Variants in NGLY1 observed in about 807,000 individuals in gnomAD.
The protein encoded by NGLY1 is N-glycanase 1, also known as peptide-N(4)-(N-acetyl-beta-glucosaminyl)asparagine amidase.
In NGLY1, 68 loss-of-function variants were observed where a neutral mutation model predicts 84.6. The observed-to-expected ratio is 0.80, with a 90% confidence interval of 0.66 to 0.98. NGLY1 has a LOEUF of 0.98. Among genes scored for constraint, NGLY1 ranks in the 50% least tolerant of loss-of-function variants. The pLI is 0.00. For missense variants in NGLY1, 779 were observed against 770.2 expected (o/e 1.01, Z -0.14); for synonymous variants, 280 against 275.2 (o/e 1.02, Z -0.17).
intron 7 of NGLY1, 52 bp downstream of exon 7, chr3:25,735,952 G>T: frequency 5.5e-6 from 8 of 1,446,600 alleles, no homozygotes; most frequent in South Asian, 1.3e-5. Flanking sequence ...TGTCATAAAA[G>T]AAAAAAATAT....
At position 25,751,135 on chromosome 3, in the gene NGLY1, T is replaced by C; in HGVS notation, c.621A>G (p.Ser207=). ...CIPVQELKRK[S]QEKLSRARKL... ...TTCTAGCTCTCGATAACTTTTCTTG[T>C]GATTTCCTTTTTAGTTCTTGGACCG... Residue 207 remains serine (S), a synonymous_variant, in exon 4 of 12, where the codon TCA becomes TCG. Coordinates refer to ENST00000280700, the MANE Select transcript of NGLY1 (RefSeq NM_018297.4). 1 of 1,613,458 alleles carries C rather than the reference T, an allele frequency of 6.2e-7. No homozygotes were observed. Among genetic ancestry groups the C allele is most frequent in the East Asian group, 2.2e-5 (1 of 44,858 alleles).
Position 25,778,699 on chromosome 3 carries a change from A to G in NGLY1, c.132-11T>C, listed in dbSNP as rs2125321905. The stretch of plus-strand genomic sequence containing the variant: ...TCATCATTAGGGTTTCTGACAAAAA[A>G]CAAAAGTTTGATTATATATAAAAAA... On this transcript the variant is annotated splice_polypyrimidine_tract_variant and intron_variant, in intron 1 of 11. Transcript: ENST00000280700. 6.5e-7 allele frequency: 1 copy of G among 1,536,132 alleles called. No individual in the cohort carries two copies.
upstream of NGLY1, chr3:25,784,087 T>C (rs980723289): frequency 5.3e-5 from 8 of 152,136 alleles, no homozygotes; most frequent in Non-Finnish European, 4.4e-5. Flanking sequence ...TCTACATAGA[T>C]GTGGATGAAA....
exon 1 of NGLY1, chr3:25,789,868 C>T (rs1454662030): frequency 3.2e-6 from 5 of 1,551,710 alleles, no homozygotes; most frequent in Non-Finnish European, 4.4e-6. Context: ...TACCTCATCG[C>T]GTTATTGGCA....
At chr3:25,736,387 T>C (rs1362604973) in intron 6 of NGLY1, 6 of 1,550,924 alleles carry the variant, frequency 3.9e-6, no homozygotes, top group Non-Finnish European at 5.2e-6. Context: ...TTAGGCTTAA[T>C]GTGCGCTGTA....
rs768605009 is a variant in NGLY1, at chr3:25,764,074, C to T, written c.484G>A (p.Ala162Thr). 1.2e-6 allele frequency: 2 copies of T among 1,614,038 alleles called. No homozygotes were observed. The change falls in exon 3 of 12, where the codon GCT becomes ACT. Residue 162 changes from alanine (A) to threonine (T), a missense_variant. Transcript: ENST00000280700. ...TTTAATTCTAACATTACCGTTGAAG[C>T]AGATGGTGGATCTGATGACTGCCCT... ...RQGQSSDPPSASTVAADSAIL... is the reference protein window; with the variant it reads ...RQGQSSDPPSTSTVAADSAIL...
At chr3:25,740,707 A>T (rs1706094597) in intron 4 of NGLY1, among the ~76,000 whole-genome samples, 1 of 152,204 alleles carries the variant, frequency 6.6e-6, no homozygotes, top group African/African-American at 2.4e-5. Flanking sequence ...CAGAGAATGT[A>T]AAAAGGCCAG....
chr3:25,779,270 A>T (rs768557211), intron 1 of NGLY1, among the ~76,000 whole-genome samples: 7 of 152,220 alleles, frequency 4.6e-5, no homozygotes, highest in Non-Finnish European at 8.8e-5. Context: ...CAGTATGGCA[A>T]TAAAAGGAAG....
At chr3:25,733,466 C>T (rs1038359105) in intron 8 of NGLY1, among the ~76,000 whole-genome samples, 4 of 134,124 alleles carry the variant, frequency 3.0e-5, no homozygotes, top group African/African-American at 2.8e-5. Flanking sequence ...CTCACATGGA[C>T]GTGTGTGTGT....
intron 7 of NGLY1, chr3:25,735,727 T>G (rs557123326): frequency 3.9e-6 from 1 of 256,624 alleles, no homozygotes; most frequent in Non-Finnish European, 7.5e-6. Context: ...TAAAGACTTG[T>G]GTGCCTGAGT....
chr3:25,747,365 C>T (rs575304682), intron 4 of NGLY1, among the ~76,000 whole-genome samples: 9 of 152,216 alleles, frequency 5.9e-5, no homozygotes, highest in Admixed American at 4.6e-4. Context: ...AGGAAAAAAA[C>T]TGTTAATACA....
chr3:25,726,015 G>A (rs940094947), intron 10 of NGLY1, among the ~76,000 whole-genome samples: 4 of 152,168 alleles, frequency 2.6e-5, no homozygotes, highest in African/African-American at 9.7e-5. Flanking sequence ...ATTTGACAAT[G>A]TGCATATTTG....
At chr3:25,760,811 G>A (rs953710024) in intron 3 of NGLY1, among the ~76,000 whole-genome samples, 6 of 110,394 alleles carry the variant, frequency 5.4e-5, no homozygotes, top group Admixed American at 1.1e-4. Context: ...GGTGAGCCGA[G>A]ATCACGCCAT....
chr3:25,741,236 A>T (rs1575623923), intron 4 of NGLY1, among the ~76,000 whole-genome samples: 1 of 152,252 alleles, frequency 6.6e-6, no homozygotes, highest in Admixed American at 6.5e-5. Flanking sequence ...TCATAAGGTA[A>T]ATTTGCCTAC....
chr3:25,764,256 A>AT lies in NGLY1; in HGVS notation c.301dup (p.Ile101AsnfsTer3). The AT allele has an allele frequency of 6.2e-7, 1 of 1,614,070 alleles. No individual in the cohort carries two copies. The highest frequency in any genetic ancestry group is 8.5e-7 in the Non-Finnish European group (1 of 1,180,016). On this transcript the variant is annotated frameshift_variant, in exon 3 of 12. Coordinates refer to ENST00000280700, the MANE Select transcript of NGLY1 (RefSeq NM_018297.4). LOFTEE classifies it high-confidence loss of function. ...TCTCTCTATGGCAATCAGGTCACGA[A>AT]TTTTTTGCAGCTGCTCCACTGAAGC...
At chr3:25,787,968 C>A (rs1254462866), upstream of NGLY1, among the ~76,000 whole-genome samples, 1 of 152,214 alleles carries the variant, frequency 6.6e-6, no homozygotes, top group Non-Finnish European at 1.5e-5. Flanking sequence ...GTTCAAGGAT[C>A]ATTTCTCTGA....
chr3:25,744,885 G>A (rs991337110), intron 4 of NGLY1, among the ~76,000 whole-genome samples: 1 of 152,090 alleles, frequency 6.6e-6, no homozygotes. Flanking sequence ...ATATACATCC[G>A]AGCCGAAAAG....
intron 2 of NGLY1, among the ~76,000 whole-genome samples, chr3:25,767,396 T>C (rs1197806672): frequency 2.0e-5 from 3 of 152,194 alleles, no homozygotes; most frequent in Non-Finnish European, 4.4e-5. Context: ...TTAGCAAACC[T>C]GACCCTGACC....
At chr3:25,742,884 CAAAAAAAA>C (rs34669504) in intron 4 of NGLY1, among the ~76,000 whole-genome samples, 5 of 63,318 alleles carry the variant, frequency 7.9e-5, no homozygotes, top group South Asian at 1.7e-3. Context: ...CCTTATGTGG[CAAAAAAAA>C]AAAAAAAAAA....
Sources: allele counts gnomAD v4.1 joint callset (sites outside exome capture counted in the v4.1 genomes callset), GRCh38; gene constraint gnomAD v4.1.1; transcripts MANE v1.5; gene names NCBI Gene and HGNC (gene_info 2026-07-23, HGNC 2026-07-21).